The following SH3PXD2B variants were observed in gnomAD, a reference collection of about 807,000 sequenced individuals.
SH3PXD2B encodes the protein SH3 and PX domains 2B.
Under a neutral mutation model 73.1 loss-of-function variants are expected in SH3PXD2B, and 37 were observed. That is an observed-to-expected ratio of 0.51 (90% CI 0.39 to 0.67). The LOEUF is 0.67. SH3PXD2B is among the 30% of genes least tolerant of loss of function. The pLI, the probability that SH3PXD2B is intolerant of heterozygous loss-of-function variation, is 0.00. For synonymous variants in SH3PXD2B, 457 were observed against 480.5 expected (o/e 0.95, Z 0.64); for missense variants, 1,053 against 1,197.8 (o/e 0.88, Z 1.78).
At chr5:172,359,766 G>C (rs950431807) in intron 7 of SH3PXD2B, among the ~76,000 whole-genome samples, 1 of 152,186 alleles carries the variant, frequency 6.6e-6, no homozygotes, top group Admixed American at 6.5e-5. Flanking sequence ...ATGAAGTTAC[G>C]TGGCACTAGG....
At chr5:172,371,251 T>C (rs1757696873) in intron 6 of SH3PXD2B, among the ~76,000 whole-genome samples, 1 of 152,200 alleles carries the variant, frequency 6.6e-6, no homozygotes, top group Non-Finnish European at 1.5e-5. Flanking sequence ...AAAGAATGCT[T>C]TTAAGTAAAG....
chr5:172,395,971 G>A (rs1377314854), intron 3 of SH3PXD2B, among the ~76,000 whole-genome samples: 3 of 152,088 alleles, frequency 2.0e-5, no homozygotes, highest in Non-Finnish European at 4.4e-5. Flanking sequence ...AAGGTGAAGA[G>A]AGATTACTAT....
chr5:172,374,082 G>A (rs568511532), intron 5 of SH3PXD2B, among the ~76,000 whole-genome samples: 1 of 152,256 alleles, frequency 6.6e-6, no homozygotes, highest in South Asian at 2.1e-4. Flanking sequence ...GGGAGGAGCC[G>A]AAGGGGATTG....
At chr5:172,358,245 C>T (rs944415201) in intron 8 of SH3PXD2B, among the ~76,000 whole-genome samples, 1 of 152,150 alleles carries the variant, frequency 6.6e-6, no homozygotes, top group Non-Finnish European at 1.5e-5. Context: ...TTGGCTGGGA[C>T]TTAGCATTTC....
intron 1 of SH3PXD2B, among the ~76,000 whole-genome samples, chr5:172,451,231 C>T (rs1175832715): frequency 6.6e-6 from 1 of 152,212 alleles, no homozygotes; most frequent in African/African-American, 2.4e-5. Flanking sequence ...CTGTCCCTCA[C>T]AGGCAAGTGA....
intron 3 of SH3PXD2B, among the ~76,000 whole-genome samples, chr5:172,396,608 GAGAA>G (rs1758305453): frequency 7.0e-6 from 1 of 143,818 alleles, no homozygotes; most frequent in Non-Finnish European, 1.5e-5. Flanking sequence ...TAAAAAAAGA[GAGAA>G]AGCCTTTTTT....
At chr5:172,327,000 GCA>G (rs1228661985) in intron 12 of SH3PXD2B, among the ~76,000 whole-genome samples, 2 of 151,466 alleles carry the variant, frequency 1.3e-5, no homozygotes, top group African/African-American at 2.4e-5. Context: ...GGGATTACAG[GCA>G]TGCGCCACCA....
In SH3PXD2B at chr5:172,338,886, G is replaced by C; in HGVS notation, c.2219C>G (p.Ser740Cys). 1 of 1,613,828 alleles carries C rather than the reference G, an allele frequency of 6.2e-7. No individual in the cohort carries two copies. Among genetic ancestry groups the C allele is most frequent in the Non-Finnish European group, 8.5e-7 (1 of 1,179,736 alleles). ...PRPAKTTDPV[S>C]KSVPVPLQEA... Reference sequence around the variant, plus strand: ...TTGGAGAGGAACAGGCACGCTCTTAGACACAGGATCTGTGGTCTTGGCTGG... The same window carrying C: ...TTGGAGAGGAACAGGCACGCTCTTACACACAGGATCTGTGGTCTTGGCTGG... Residue 740 changes from serine (S) to cysteine (C), a missense_variant, in exon 13 of 13, where the codon TCT becomes TGT. Transcript: ENST00000311601. The surrounding 1 kb of genome is among the most constrained non-coding windows in gnomAD (Gnocchi z 5.1).
chr5:172,437,920 A>T (rs563187341), intron 1 of SH3PXD2B, among the ~76,000 whole-genome samples: 3 of 152,204 alleles, frequency 2.0e-5, no homozygotes, highest in African/African-American at 7.2e-5. Flanking sequence ...CCAAAGTGGG[A>T]ATCTGATCTC....
At chr5:172,409,154 G>T (rs1014880058) in intron 2 of SH3PXD2B, among the ~76,000 whole-genome samples, 2 of 152,062 alleles carry the variant, frequency 1.3e-5, no homozygotes, top group African/African-American at 4.8e-5. Context: ...GGCCGAGGTG[G>T]GTGGATGGCC....
intron 4 of SH3PXD2B, among the ~76,000 whole-genome samples, chr5:172,384,677 C>A (rs549942444): frequency 1.3e-5 from 2 of 152,196 alleles, no homozygotes; most frequent in Non-Finnish European, 2.9e-5. Flanking sequence ...TTGCAGCAGG[C>A]GTAAACACTT....
intron 2 of SH3PXD2B, among the ~76,000 whole-genome samples, chr5:172,411,155 T>C (rs1349368307): frequency 6.6e-6 from 1 of 152,254 alleles, no homozygotes; most frequent in Non-Finnish European, 1.5e-5. Context: ...CTATCTACTT[T>C]TTCCCTTCTC....
Position 172,333,625 on chromosome 5 carries a change from A to T in SH3PXD2B, c.*4744T>A. 7.8e-7 allele frequency: 1 copy of T among 1,287,606 alleles called. No individual in the cohort carries two copies. Among genetic ancestry groups the T allele is most frequent in the Non-Finnish European group, 1.0e-6 (1 of 988,378 alleles). The allele number at this position is 1,287,606 out of a possible 1,614,324, so 79.8% of individuals were successfully genotyped here. A position where few individuals can be genotyped will look rare whatever the true frequency, so the allele number is the denominator to read the frequency against. ...TAGTTGTTCTCACCCCTCCCCTCAC[A>T]TCCTATATACTCATTTATTTAATGT... is the stretch of plus-strand genomic sequence containing the variant. On this transcript the variant is annotated 3_prime_UTR_variant, in exon 13 of 13. Coordinates refer to ENST00000311601, the MANE Select transcript of SH3PXD2B (RefSeq NM_001017995.3).
At chr5:172,424,150 G>C (rs2113468100) in intron 1 of SH3PXD2B, among the ~76,000 whole-genome samples, 1 of 152,298 alleles carries the variant, frequency 6.6e-6, no homozygotes, top group Non-Finnish European at 1.5e-5. Context: ...GGACTGTCCA[G>C]TTTCCTGGGC....
At chr5:172,331,781 G>A (rs2113223530), downstream of SH3PXD2B, among the ~76,000 whole-genome samples, 1 of 152,068 alleles carries the variant, frequency 6.6e-6, no homozygotes, top group South Asian at 2.1e-4. Flanking sequence ...GTGAAACCCT[G>A]TCTCCATAAA....
chr5:172,376,181 C>G (rs181314963), intron 5 of SH3PXD2B, among the ~76,000 whole-genome samples: 6 of 152,192 alleles, frequency 3.9e-5, no homozygotes, highest in Admixed American at 3.3e-4. Flanking sequence ...AGACGCCCAC[C>G]ACCACGCCTG....
intron 1 of SH3PXD2B, among the ~76,000 whole-genome samples, chr5:172,448,414 A>G (rs1293518827): frequency 6.6e-6 from 1 of 152,108 alleles, no homozygotes; most frequent in Non-Finnish European, 1.5e-5. Flanking sequence ...GAAGTGGCGC[A>G]ATCTCGGCTC....
chr5:172,348,629 T>C (rs1048157140), intron 10 of SH3PXD2B, among the ~76,000 whole-genome samples: 10 of 79,616 alleles, frequency 1.3e-4, no homozygotes, highest in Non-Finnish European at 2.5e-4. Context: ...TATCTATGTA[T>C]CTATCTATGT....
intron 1 of SH3PXD2B, among the ~76,000 whole-genome samples, chr5:172,451,594 A>G (rs968581357): frequency 3.9e-5 from 6 of 152,242 alleles, no homozygotes; most frequent in African/African-American, 1.4e-4. Flanking sequence ...GTATTTACAC[A>G]GAAGCTAGAG....
Sources: allele counts gnomAD v4.1 joint callset (sites outside exome capture counted in the v4.1 genomes callset), GRCh38; gene constraint gnomAD v4.1.1; non-coding constraint Gnocchi (gnomAD v3.1); transcripts MANE v1.5; gene names NCBI Gene and HGNC (gene_info 2026-07-23, HGNC 2026-07-21).